The following ZFHX3 variants were observed in gnomAD, a reference collection of about 807,000 sequenced individuals.
ZFHX3 encodes zinc finger homeobox protein 3.
In ZFHX3, 42 loss-of-function variants were observed where a neutral mutation model predicts 279.1. That is an observed-to-expected ratio of 0.15 (90% CI 0.12 to 0.19). ZFHX3 has a LOEUF of 0.19. Ranked by LOEUF, ZFHX3 falls within the 10% of genes least tolerant of loss-of-function variation. The probability of loss-of-function intolerance (pLI) is 1.00; values close to 1 mark genes in which losing one functional copy is unlikely to be tolerated. For missense variants in ZFHX3, 4,981 were observed against 4,754.0 expected (o/e 1.05, Z -1.40); for synonymous variants, 2,293 against 1,957.8 (o/e 1.17, Z -4.52).
At chr16:73,761,745 A>G (rs1373596516) in intron 1 of ZFHX3, among the ~76,000 whole-genome samples, 2 of 152,208 alleles carry the variant, frequency 1.3e-5, no homozygotes, top group African/African-American at 2.4e-5. Context: ...AGGACTCCCT[A>G]TGTAATAAAT....
chr16:73,526,147 C>T (rs186490069), intron 2 of ZFHX3, among the ~76,000 whole-genome samples: 38 of 152,338 alleles, frequency 2.5e-4, no homozygotes, highest in South Asian at 1.9e-3. Flanking sequence ...CGTGGCCAGT[C>T]CAGGGCAGCT....
intron 1 of ZFHX3, among the ~76,000 whole-genome samples, chr16:72,966,671 G>A (rs766249341): frequency 6.6e-6 from 1 of 152,172 alleles, no homozygotes; most frequent in Non-Finnish European, 1.5e-5. Flanking sequence ...CACCATTCAC[G>A]GGTGCAGGGA....
chr16:73,306,022 G>A (rs1039786433), intron 4 of ZFHX3, among the ~76,000 whole-genome samples: 2 of 152,156 alleles, frequency 1.3e-5, no homozygotes, highest in Non-Finnish European at 2.9e-5. Flanking sequence ...AGTGGAACCC[G>A]CAAGTCTGCA....
chr16:73,669,565 G>A (rs565279865), intron 2 of ZFHX3, among the ~76,000 whole-genome samples: 2 of 152,198 alleles, frequency 1.3e-5, no homozygotes, highest in South Asian at 2.1e-4. Flanking sequence ...CCTGAAAAGG[G>A]TTAGGAAAAT....
rs527447903 is a variant in ZFHX3, at chr16:73,268,004, C to T, written c.-1193-10868G>A. 1.2e-4 allele frequency among the ~76,000 whole-genome samples: 18 copies of T among 152,244 alleles called. 1 individual carries two copies. Among genetic ancestry groups the T allele is most frequent in the Non-Finnish European group, 1.5e-4 (10 of 68,014 alleles). On this transcript the variant is annotated intron_variant, in intron 4 of 17. Coordinates refer to the ZFHX3 transcript ENST00000641206. The stretch of plus-strand genomic sequence containing the variant: ...TATTAGTGCTATTATTAACCTCCAT[C>T]GTTATACTTGGAAGATTTCAGAAGA...
At chr16:73,270,296 T>TCTCATGCAA (rs2014104680) in intron 4 of ZFHX3, among the ~76,000 whole-genome samples, 1 of 152,188 alleles carries the variant, frequency 6.6e-6, no homozygotes, top group South Asian at 2.1e-4. Context: ...TGAAGACAGG[T>TCTCATGCAA]CTCATGCAAC....
chr16:73,816,979 G>GT (rs1464037339), intron 1 of ZFHX3, among the ~76,000 whole-genome samples: 9 of 152,154 alleles, frequency 5.9e-5, no homozygotes, highest in Admixed American at 6.5e-5. Context: ...GACATTGAAG[G>GT]TCCCCACATC....
rs1056681420 is a variant in ZFHX3, at chr16:72,788,413, A to G, written c.9863T>C (p.Leu3288Pro). Residue 3288 changes from leucine (L) to proline (P), a missense_variant, in exon 10 of 10, where the codon CTG (leucine) becomes CCG (proline). Leu to Pro is a moderately conservative substitution (Grantham distance 98). Transcript: ENST00000268489. ...TMEYAVDPAQ[L>P]QALQAALTSD... ...AGTCAACGCGGCCTGCAGGGCCTGC[A>G]GCTGTGCAGGGTCTACCGCATACTC... is the stretch of plus-strand genomic sequence containing the variant. 22 of 1,614,110 alleles carry G rather than the reference A, an allele frequency of 1.4e-5. No homozygotes were observed. The highest frequency in any genetic ancestry group is 1.9e-5 in the Non-Finnish European group (22 of 1,180,058).
intron 3 of ZFHX3, among the ~76,000 whole-genome samples, chr16:72,927,395 T>C (rs1370047009): frequency 6.6e-6 from 1 of 152,192 alleles, no homozygotes; most frequent in Admixed American, 6.5e-5. Context: ...CAAGTTCTTC[T>C]GAGGGCAACA....
In ZFHX3 at chr16:72,788,452, G is replaced by A. The variant is rs62639993; in HGVS notation, c.9824C>T (p.Pro3275Leu). Residue 3275 changes from proline (P) to leucine (L), a missense_variant, in exon 10 of 10, where the codon CCG becomes CTG. Around this residue, in one of 7 missense-constraint regions of ZFHX3, gnomAD observed 1,034 missense variants for 786.0 expected, o/e 1.32. Transcript: ENST00000268489. The stretch of plus-strand genomic sequence containing the variant: ...TACCGCATACTCCATGGTGGGCAGC[G>A]GGGCTGAGATCGTGGCTGCAGTTGC... ...PTATAATISAPLPTMEYAVDP... is the reference protein window; with the variant it reads ...PTATAATISALLPTMEYAVDP... The A allele has an allele frequency of 2.9e-4, 476 of 1,614,248 alleles. 1 individual carries two copies. The highest frequency in any genetic ancestry group is 1.6e-3 in the Admixed American group (95 of 60,036).
At chr16:73,623,669 T>A (rs1388437120) in intron 2 of ZFHX3, among the ~76,000 whole-genome samples, 2 of 152,220 alleles carry the variant, frequency 1.3e-5, no homozygotes, top group Admixed American at 6.5e-5. Context: ...AATATTTTTT[T>A]AAATGTAGAT....
At chr16:73,680,105 G>T in intron 2 of ZFHX3, 1 of 152,136 alleles carries the variant, frequency 6.6e-6, no homozygotes, top group East Asian at 1.9e-4. Flanking sequence ...TAACTACATC[G>T]AATGAAACAG....
chr16:73,532,738 C>G (rs1204095564), intron 2 of ZFHX3, among the ~76,000 whole-genome samples: 1 of 152,216 alleles, frequency 6.6e-6, no homozygotes, highest in Non-Finnish European at 1.5e-5. Context: ...CCACCCAAAT[C>G]TCACCTTGAA....
chr16:72,822,742 C>T (rs1230683018), intron 5 of ZFHX3, among the ~76,000 whole-genome samples: 2 of 148,798 alleles, frequency 1.3e-5, no homozygotes, highest in African/African-American at 2.5e-5. Context: ...TGATAGTTCT[C>T]ATTATACTGT....
chr16:73,291,607 T>C (rs1399910559), intron 4 of ZFHX3, among the ~76,000 whole-genome samples: 1 of 152,224 alleles, frequency 6.6e-6, no homozygotes, highest in African/African-American at 2.4e-5. Flanking sequence ...ATCTGTTCTC[T>C]CGCCTCTCCC....
intron 4 of ZFHX3, among the ~76,000 whole-genome samples, chr16:73,257,320 A>G (rs549696243): frequency 6.6e-6 from 1 of 152,324 alleles, no homozygotes; most frequent in East Asian, 1.9e-4. Context: ...CGCCATTGTC[A>G]GTTTAAGCTG....
Position 72,958,660 on chromosome 16 carries a change from G to A in ZFHX3, c.1486C>T (p.Pro496Ser). 1.2e-6 allele frequency: 2 copies of A among 1,613,806 alleles called. No individual in the cohort carries two copies. The highest frequency in any genetic ancestry group is 1.7e-6 in the Non-Finnish European group (2 of 1,179,932). ...EEDEGCKGLF[P>S]SELDEELEDR... is the part of the protein sequence containing the mutation. Reference sequence around the variant, plus strand: ...TCCAGTTCCTCATCCAACTCGCTTGGAAAGAGTCCTTTGCAACCCTCGTCT... The same window carrying A: ...TCCAGTTCCTCATCCAACTCGCTTGAAAAGAGTCCTTTGCAACCCTCGTCT... The change falls in exon 2 of 10, where the codon CCA becomes TCA. Residue 496 changes from proline (P) to serine (S), a missense_variant. Physicochemically the swap from Pro to Ser is moderately conservative, Grantham distance 74 (BLOSUM62 -1). This residue lies in a region of ZFHX3 where 1,068 missense variants were observed against 935.2 expected (regional missense o/e 1.14). Transcript: ENST00000268489.
chr16:73,006,927 T>C (rs751663182), intron 1 of ZFHX3, among the ~76,000 whole-genome samples: 14 of 152,212 alleles, frequency 9.2e-5, no homozygotes, highest in Non-Finnish European at 1.9e-4. Flanking sequence ...ATTTAAGGAA[T>C]AATGACAAGC....
chr16:73,175,272 T>C (rs8055289), intron 5 of ZFHX3, among the ~76,000 whole-genome samples: 101,394 of 151,794 alleles, frequency 0.67, 34,688 homozygotes, highest in African/African-American at 0.82. Flanking sequence ...CCCAGCTACT[T>C]GAGATGCTGA....
Sources: gnomAD v4.1 joint callset for allele counts (sites outside exome capture counted in the v4.1 genomes callset) on GRCh38, gnomAD v4.1.1 for gene constraint, gnomAD v4.1.1 regional missense constraint, MANE v1.5 for transcripts, NCBI Gene and HGNC (gene_info 2026-07-23, HGNC 2026-07-21) for gene names.